Variants in STAG2 observed in about 807,000 individuals in gnomAD.
STAG2 encodes the protein STAG2 cohesin complex component, also known as cohesin subunit SA-2.
STAG2 carries 14 observed loss-of-function variants against 108.1 expected under a neutral mutation model. That is an observed-to-expected ratio of 0.13 (90% CI 0.09 to 0.20). The LOEUF (loss-of-function observed/expected upper bound fraction) is 0.20, where lower values mean the gene tolerates loss of function less well. STAG2 is among the 10% of genes least tolerant of loss of function. STAG2 has a pLI of 1.00. For missense variants in STAG2, 440 were observed against 940.9 expected, an observed-to-expected ratio of 0.47 and a Z score of 6.96; for synonymous variants, 307 against 302.7, an observed-to-expected ratio of 1.01 and a Z score of -0.15.
intron 4 of STAG2, among the ~76,000 whole-genome samples, chrX:124,027,159 C>T (rs1941991472): frequency 8.9e-6 from 1 of 112,030 alleles, no homozygotes; most frequent in Non-Finnish European, 1.9e-5. Flanking sequence ...CTCAAGCAGT[C>T]CTCCTGCCTC....
At position 124,101,810 on chromosome X, in the gene STAG2, A is replaced by G. The variant is rs1455573537; in HGVS notation, c.*1213A>G. ...CTTTGAAAGCTAAGCTTTAAACTTC[A>G]TTTTATGTCCTTTCACAAATAAATT... On this transcript the variant is annotated 3_prime_UTR_variant, in exon 35 of 35. Coordinates refer to ENST00000371145, the MANE Select transcript of STAG2 (RefSeq NM_001042750.2). 6.2e-6 allele frequency: 1 copy of G among 160,635 alleles called. No homozygotes were observed. The highest frequency in any genetic ancestry group is 3.0e-5 in the African/African-American group (1 of 33,210). 13.2% of individuals were successfully genotyped at this position (160,635 alleles called of 1,213,427 possible). A position where few individuals can be genotyped will look rare whatever the true frequency, so the allele number is the denominator to read the frequency against.
At chrX:124,026,169 A>ATAC (rs1217269076) in intron 4 of STAG2, among the ~76,000 whole-genome samples, 1 of 102,491 alleles carries the variant, frequency 9.8e-6, no homozygotes, top group Non-Finnish European at 2.0e-5. Context: ...AATAATAATA[A>ATAC]TACATTTCCA....
At chrX:124,086,916 C>A (rs955643001) in intron 30 of STAG2, 146 bp downstream of exon 30, 37 of 503,665 alleles carry the variant, frequency 7.3e-5, no homozygotes, top group Non-Finnish European at 1.1e-4. Context: ...CTGTTGTAGG[C>A]ATTTTAGATA....
At chrX:124,058,113 T>A in intron 15 of STAG2, 136 bp downstream of exon 15, 1 of 228,337 alleles carries the variant, frequency 4.4e-6, no homozygotes, top group Non-Finnish European at 7.7e-6. Flanking sequence ...ACTCCCCCAC[T>A]CCCCCAATTT....
chrX:124,041,685 G>A lies in STAG2; in HGVS notation c.386-884G>A, dbSNP rs368264604. Among the ~76,000 whole-genome samples, 9 of 110,766 alleles carry A rather than the reference G, an allele frequency of 8.1e-5. 1 individual carries two copies. The highest frequency in any genetic ancestry group is 3.0e-4 in the African/African-American group (9 of 30,476). Reference sequence around the variant, plus strand: ...CCATCTCTCTCTTTCTCAGTCTGATGCCCCATCAGTGGAAGTTCATGTATC... The same window carrying A: ...CCATCTCTCTCTTTCTCAGTCTGATACCCCATCAGTGGAAGTTCATGTATC... On this transcript the variant is annotated intron_variant, in intron 6 of 34. Transcript: ENST00000371145.
chrX:124,101,025 G>T lies in STAG2; in HGVS notation c.*428G>T. ...ACATCCAGAAAACAATGTTAAGGAT[G>T]TATTTATTCCCCTACCCTGAAGAAA... On this transcript the variant is annotated 3_prime_UTR_variant, in exon 35 of 35. Coordinates refer to ENST00000371145, the MANE Select transcript of STAG2 (RefSeq NM_001042750.2). 1 of 157,033 alleles carries T rather than the reference G, an allele frequency of 6.4e-6. No homozygotes were observed. Among genetic ancestry groups the T allele is most frequent in the Non-Finnish European group, 1.2e-5 (1 of 81,193 alleles). The allele number at this position is 157,033 out of a possible 1,213,427, so 12.9% of individuals were successfully genotyped here.
intron 4 of STAG2, among the ~76,000 whole-genome samples, chrX:124,026,128 AAATAATAAT>A (rs57097416): frequency 0.2 from 17,534 of 88,743 alleles, 1,403 homozygotes; most frequent in East Asian, 0.38. Flanking sequence ...GTAAAGTTGC[AAATAATAAT>A]AATAATAATA....
chrX:124,096,227 A>C (rs113775889), intron 34 of STAG2, among the ~76,000 whole-genome samples: 1,171 of 110,931 alleles, frequency 0.011, 10 homozygotes, highest in Non-Finnish European at 0.017. Flanking sequence ...TCCTCAGCCT[A>C]GCAAACAAAG....
intron 28 of STAG2, among the ~76,000 whole-genome samples, chrX:124,082,714 ACT>A (rs979351293): frequency 9.2e-6 from 1 of 109,176 alleles, no homozygotes; most frequent in Non-Finnish European, 1.9e-5. Context: ...ACTTTAATTA[ACT>A]CTCTCCTTTC....
At chrX:124,064,466 C>T (rs1268150988) in intron 20 of STAG2, among the ~76,000 whole-genome samples, 2 of 101,139 alleles carry the variant, frequency 2.0e-5, no homozygotes, top group African/African-American at 3.6e-5. Context: ...TTTTTGGAGA[C>T]GGAGTCTTTC....
At chrX:124,003,059 C>T (rs370181813) in intron 1 of STAG2, among the ~76,000 whole-genome samples, 58 of 109,577 alleles carry the variant, frequency 5.3e-4, no homozygotes, top group African/African-American at 1.8e-3. Context: ...CTTCTACCTC[C>T]TGGGTTCATG....
In STAG2 at chrX:124,095,410, G is replaced by A. The variant is rs750598294; in HGVS notation, c.3744G>A (p.Lys1248=). Residue 1248 remains lysine (K), a synonymous_variant, in exon 34 of 35, where the codon AAG becomes AAA. Transcript: ENST00000371145. ...SKNRRERTEL[K]PDFFDPASIM... is the part of the protein sequence containing the mutation. Reference sequence around the variant, plus strand: ...ACAGACGAGAGAGAACAGAACTGAAGCCTGATTTCTTTGATCCAGCTTCAA... The same window carrying A: ...ACAGACGAGAGAGAACAGAACTGAAACCTGATTTCTTTGATCCAGCTTCAA... The A allele has an allele frequency of 3.3e-6, 4 of 1,208,980 alleles. No homozygotes were observed. The highest frequency in any genetic ancestry group is 1.7e-5 in the African/African-American group (1 of 57,185).
intron 1 of STAG2, among the ~76,000 whole-genome samples, chrX:124,001,767 T>C (rs1309670576): frequency 8.9e-6 from 1 of 112,091 alleles, no homozygotes; most frequent in Non-Finnish European, 1.9e-5. Context: ...CATCCAGGCT[T>C]GTGTAAGTAC....
rs939465898 is a variant in STAG2, at chrX:124,100,569, A to G, written c.3784-5A>G. The G allele has an allele frequency of 8.4e-7, 1 of 1,194,909 alleles. No individual in the cohort carries two copies. The highest frequency in any genetic ancestry group is 1.7e-5 in the African/African-American group (1 of 57,385). On this transcript the variant is annotated splice_polypyrimidine_tract_variant and splice_region_variant and intron_variant, in intron 34 of 34. Coordinates refer to ENST00000371145, the MANE Select transcript of STAG2 (RefSeq NM_001042750.2). ...AGATTTTCTCCCCTCTCTCTCTCTC[A>G]TTAGGTTCTTGGAGTGTCAATGTTT...
At chrX:124,094,536 C>T (rs1409108081) in intron 33 of STAG2, among the ~76,000 whole-genome samples, 1 of 111,396 alleles carries the variant, frequency 9.0e-6, no homozygotes, top group East Asian at 2.8e-4. Context: ...AGACAAATTC[C>T]GTATCAGATA....
At chrX:124,093,833 T>G in intron 32 of STAG2, 185 bp from the exon 33 acceptor site, 1 of 446,155 alleles carries the variant, frequency 2.2e-6, no homozygotes, top group Non-Finnish European at 3.7e-6. Context: ...CTCCTTAGCA[T>G]TTTTAGACAA....
At chrX:124,074,776 G>A (rs1046633706) in intron 25 of STAG2, among the ~76,000 whole-genome samples, 1 of 111,726 alleles carries the variant, frequency 9.0e-6, no homozygotes, top group Non-Finnish European at 1.9e-5. Context: ...GAAAAAGTTG[G>A]CTAATTCTTG....
chrX:124,096,416 A>G (rs1288917025), intron 34 of STAG2, among the ~76,000 whole-genome samples: 1 of 111,344 alleles, frequency 9.0e-6, no homozygotes, highest in Non-Finnish European at 1.9e-5. Context: ...CCTCCTAGTA[A>G]AGTCTTTCTT....
rs1378358514 is a variant in STAG2, at chrX:124,022,383, AAAAG to A, written c.-97-143_-97-140del. 7.8e-4 allele frequency: 217 copies of A among 279,157 alleles called. 2 individuals are homozygous for A. The highest frequency in any genetic ancestry group is 5.7e-3 in the African/African-American group (198 of 34,756). 23.0% of individuals were successfully genotyped at this position (279,157 alleles called of 1,213,427 possible). A position where few individuals can be genotyped will look rare whatever the true frequency, so the allele number is the denominator to read the frequency against. ...GAGACTGTGTCTCAAAAAAAAAAAA[AAAAG>A]AAAGCAGTCAAATGCAAGGGAATGA... On this transcript the variant is annotated intron_variant, in intron 2 of 34. Coordinates refer to ENST00000371145, the MANE Select transcript of STAG2 (RefSeq NM_001042750.2).
Sources: allele counts gnomAD v4.1 joint callset (sites outside exome capture counted in the v4.1 genomes callset), GRCh38; gene constraint gnomAD v4.1.1; transcripts MANE v1.5; gene names NCBI Gene and HGNC (gene_info 2026-07-23, HGNC 2026-07-21).